CAMK4: variants seen among roughly 807,000 people sequenced by gnomAD.
CAMK4 encodes calcium/calmodulin-dependent protein kinase type IV.
CAMK4 carries 22 observed loss-of-function variants against 44.9 expected under a neutral mutation model. The observed-to-expected ratio is 0.49, with a 90% CI of 0.35 to 0.70. The LOEUF (loss-of-function observed/expected upper bound fraction) is 0.70. Among genes scored for constraint, CAMK4 ranks in the 30% least tolerant of loss-of-function variants. The probability of loss-of-function intolerance (pLI) is 0.01; values close to 1 mark genes in which losing one functional copy is unlikely to be tolerated. For synonymous variants in CAMK4, 218 were observed against 215.4 expected, an observed-to-expected ratio of 1.01 and a Z score of -0.11; for missense variants, 498 against 586.8, an observed-to-expected ratio of 0.85 and a Z score of 1.56.
chr5:111,243,741 G>A (rs139300984), intron 1 of CAMK4, among the ~76,000 whole-genome samples: 107 of 152,242 alleles, frequency 7.0e-4, no homozygotes, highest in Middle Eastern at 3.4e-3. Context: ...TCTCCTAGCC[G>A]GCGGTTCTTT....
chr5:111,379,249 T>A (rs938713046), intron 4 of CAMK4, among the ~76,000 whole-genome samples: 1 of 152,168 alleles, frequency 6.6e-6, no homozygotes, highest in East Asian at 1.9e-4. Context: ...TTGAGTTAAT[T>A]GGGAATCATG....
chr5:111,400,952 C>A (rs903426411), intron 5 of CAMK4, among the ~76,000 whole-genome samples: 1 of 152,186 alleles, frequency 6.6e-6, no homozygotes, highest in African/African-American at 2.4e-5. Flanking sequence ...TTTGTCACCA[C>A]TGACAGCTGA....
At chr5:111,262,692 A>C (rs909378796) in intron 1 of CAMK4, among the ~76,000 whole-genome samples, 1 of 152,190 alleles carries the variant, frequency 6.6e-6, no homozygotes, top group African/African-American at 2.4e-5. Flanking sequence ...CATCAATAAC[A>C]ATGAAATCGG....
At chr5:111,264,934 T>TA (rs1750169637) in intron 1 of CAMK4, among the ~76,000 whole-genome samples, 1 of 152,184 alleles carries the variant, frequency 6.6e-6, no homozygotes, top group South Asian at 2.1e-4. Flanking sequence ...TTTCTTGCCG[T>TA]TGACCTTTCA....
intron 2 of CAMK4, among the ~76,000 whole-genome samples, chr5:111,363,458 A>T (rs1434109990): frequency 2.6e-5 from 4 of 152,146 alleles, no homozygotes; most frequent in Admixed American, 6.6e-5. Context: ...TAGCATATGT[A>T]GAAAACAGAC....
intron 1 of CAMK4, among the ~76,000 whole-genome samples, chr5:111,308,099 GT>G (rs1322335643): frequency 1.3e-4 from 15 of 113,002 alleles, no homozygotes; most frequent in African/African-American, 5.2e-4. Flanking sequence ...GGGGACTGTG[GT>G]GGGGTCGGGG....
chr5:111,333,577 C>G (rs1387258645), intron 1 of CAMK4, among the ~76,000 whole-genome samples: 1 of 151,528 alleles, frequency 6.6e-6, no homozygotes, highest in African/African-American at 2.4e-5. Context: ...TCCAGAGCTT[C>G]TTACGCTTTT....
intron 5 of CAMK4, among the ~76,000 whole-genome samples, chr5:111,426,293 T>C (rs145972077): frequency 4.6e-5 from 7 of 152,364 alleles, no homozygotes; most frequent in Admixed American, 2.6e-4. Flanking sequence ...AGAGATGTTA[T>C]GTTAAAGTGA....
At chr5:111,391,789 C>T (rs140803565) in intron 4 of CAMK4, among the ~76,000 whole-genome samples, 5 of 152,172 alleles carry the variant, frequency 3.3e-5, no homozygotes, top group South Asian at 2.1e-4. Flanking sequence ...GAACAACTAC[C>T]GTGTTTTTCA....
At position 111,290,473 on chromosome 5, in the gene CAMK4, A is replaced by C. The variant is rs1378818660; in HGVS notation, c.162-53551A>C. Among the ~76,000 whole-genome samples, 1 of 152,246 alleles carries C rather than the reference A, an allele frequency of 6.6e-6. No individual in the cohort carries two copies. Among genetic ancestry groups the C allele is most frequent in the Non-Finnish European group, 1.5e-5 (1 of 68,040 alleles). On this transcript the variant is annotated intron_variant, in intron 1 of 10. Coordinates refer to ENST00000282356, the MANE Select transcript of CAMK4 (RefSeq NM_001744.6). The surrounding 1 kb of genome is among the most constrained non-coding windows in gnomAD (Gnocchi z 4.5). Reference sequence around the variant, plus strand: ...ATGAACCAGGAAATGAAGGAATGCCAATATACAGATGTGTGAGCCCAAAGT... The same window carrying C: ...ATGAACCAGGAAATGAAGGAATGCCCATATACAGATGTGTGAGCCCAAAGT...
intron 3 of CAMK4, among the ~76,000 whole-genome samples, chr5:111,376,503 T>G (rs1162884270): frequency 6.6e-6 from 1 of 152,132 alleles, no homozygotes; most frequent in Admixed American, 6.6e-5. Context: ...CTAGCCACCT[T>G]GATGCCTCAA....
intron 5 of CAMK4, among the ~76,000 whole-genome samples, chr5:111,397,475 T>A: frequency 6.6e-6 from 1 of 152,194 alleles, no homozygotes; most frequent in Admixed American, 6.5e-5. Flanking sequence ...TGTAATATTA[T>A]ACTCATTGAT....
At chr5:111,381,618 C>G (rs947213052) in intron 4 of CAMK4, among the ~76,000 whole-genome samples, 1 of 152,164 alleles carries the variant, frequency 6.6e-6, no homozygotes, top group East Asian at 1.9e-4. Flanking sequence ...CGTTAATCTC[C>G]TTTGGCAACG....
intron 3 of CAMK4, among the ~76,000 whole-genome samples, chr5:111,375,622 T>C (rs888977116): frequency 6.6e-6 from 1 of 152,154 alleles, no homozygotes; most frequent in Non-Finnish European, 1.5e-5. Context: ...ACTTAACATA[T>C]GAGTTAGGGA....
At chr5:111,269,495 C>T (rs1207835424) in intron 1 of CAMK4, among the ~76,000 whole-genome samples, 2 of 152,260 alleles carry the variant, frequency 1.3e-5, no homozygotes, top group African/African-American at 4.8e-5. Context: ...TTCCTGGGTC[C>T]TTGCTGTGCA....
intron 7 of CAMK4, among the ~76,000 whole-genome samples, chr5:111,472,687 A>G (rs1755106370): frequency 6.6e-6 from 1 of 152,104 alleles, no homozygotes; most frequent in African/African-American, 2.4e-5. Flanking sequence ...GTGCACAGAT[A>G]AGTTCCCCTT....
At position 111,346,189 on chromosome 5, in the gene CAMK4, A is replaced by G. The variant is rs563146647; in HGVS notation, c.240+2087A>G. ...ATGAATGAAGCCTAAGAATCTGTTT[A>G]TAGAGGAAAAGTGATGTGGGGAAAA... On this transcript the variant is annotated intron_variant, in intron 2 of 10. Transcript: ENST00000282356. Among the ~76,000 whole-genome samples, 7 of 152,084 alleles carry G rather than the reference A, an allele frequency of 4.6e-5. No homozygotes were observed. The East Asian group carries it at 1.2e-3, about 25-fold the overall frequency.
chr5:111,261,561 G>GTT (rs34043708), intron 1 of CAMK4, among the ~76,000 whole-genome samples: 22 of 143,040 alleles, frequency 1.5e-4, no homozygotes, highest in African/African-American at 3.0e-4. Flanking sequence ...GACCCTAATA[G>GTT]TTTTTTTTTT....
intron 9 of CAMK4, among the ~76,000 whole-genome samples, chr5:111,480,249 AACACACACACACACACACACACAC>A (rs532395570): frequency 8.3e-6 from 1 of 121,188 alleles, no homozygotes; most frequent in African/African-American, 3.3e-5. Context: ...TAGGCATGTA[AACACACACACACACACACACACAC>A]ACACACACAC....
Sources: allele counts gnomAD v4.1 joint callset (sites outside exome capture counted in the v4.1 genomes callset), GRCh38; gene constraint gnomAD v4.1.1; non-coding constraint Gnocchi (gnomAD v3.1); transcripts MANE v1.5; gene names NCBI Gene and HGNC (gene_info 2026-07-23, HGNC 2026-07-21).